Variants in BABAM2 observed in about 807,000 individuals in gnomAD.
BABAM2 encodes the protein BRISC and BRCA1 A complex member 2.
A neutral mutation model predicts 54.7 loss-of-function variants in BABAM2; 31 were observed. The observed-to-expected ratio is 0.57, with a 90% CI of 0.43 to 0.77. The LOEUF (loss-of-function observed/expected upper bound fraction) is 0.77. BABAM2 is among the 30% of genes least tolerant of loss of function. The pLI is 0.00. For synonymous variants in BABAM2, 167 were observed against 162.9 expected (o/e 1.03, Z -0.19); for missense variants, 364 against 455.8 (o/e 0.80, Z 1.83).
At chr2:28,203,143 T>C (rs922901379) in intron 7 of BABAM2, among the ~76,000 whole-genome samples, 10 of 152,260 alleles carry the variant, frequency 6.6e-5, no homozygotes, top group African/African-American at 2.4e-4. Flanking sequence ...TCACTTAATT[T>C]ACTTCTTTTA....
intron 6 of BABAM2, among the ~76,000 whole-genome samples, chr2:28,055,614 G>C (rs1481589935): frequency 6.6e-6 from 1 of 152,138 alleles, no homozygotes; most frequent in Non-Finnish European, 1.5e-5. Flanking sequence ...GTCACAGGTA[G>C]TTTCTTGGAA....
At chr2:28,112,151 C>CTTTCTTTCTTTTTCTTTCTTTCTT (rs1261759583) in intron 6 of BABAM2, among the ~76,000 whole-genome samples, 5 of 19,614 alleles carry the variant, frequency 2.5e-4, no homozygotes, top group African/African-American at 1.1e-3. Context: ...CTTTCTTTAC[C>CTTTCTTTCTTTTTCTTTCTTTCTT]TCCCTCCCTC....
intron 7 of BABAM2, among the ~76,000 whole-genome samples, chr2:28,169,716 C>G (rs1674107072): frequency 6.7e-6 from 1 of 150,374 alleles, no homozygotes; most frequent in African/African-American, 2.5e-5. Flanking sequence ...GTCAAGGCTG[C>G]TATGAGCTGT....
intron 7 of BABAM2, among the ~76,000 whole-genome samples, chr2:28,137,554 A>T (rs1021037975): frequency 3.9e-5 from 6 of 152,220 alleles, no homozygotes; most frequent in African/African-American, 1.4e-4. Context: ...TCAAGAGCTC[A>T]GCCTTTGCTT....
chr2:28,092,477 G>A (rs1666234183), intron 6 of BABAM2, among the ~76,000 whole-genome samples: 1 of 152,058 alleles, frequency 6.6e-6, no homozygotes, highest in Non-Finnish European at 1.5e-5. Flanking sequence ...ATTTAAAATA[G>A]CATCAAAAAG....
At chr2:27,985,057 A>ATGTG (rs35552031) in intron 3 of BABAM2, among the ~76,000 whole-genome samples, 46,723 of 137,246 alleles carry the variant, frequency 0.34, 8,100 homozygotes, top group East Asian at 0.43. Flanking sequence ...GTATTCCATG[A>ATGTG]TGTGTGTGTG....
chr2:27,939,106 C>T (rs1375121924), intron 3 of BABAM2, among the ~76,000 whole-genome samples: 1 of 152,116 alleles, frequency 6.6e-6, no homozygotes, highest in Non-Finnish European at 1.5e-5. Flanking sequence ...GCACTGGCCA[C>T]CATGCCCAGC....
At chr2:28,170,963 G>A (rs1221481720) in intron 7 of BABAM2, among the ~76,000 whole-genome samples, 1 of 152,132 alleles carries the variant, frequency 6.6e-6, no homozygotes. Flanking sequence ...CCTCCAACCC[G>A]AGTCCCCTCG....
chr2:28,187,826 G>A (rs917062751), intron 7 of BABAM2, among the ~76,000 whole-genome samples: 9 of 151,680 alleles, frequency 5.9e-5, no homozygotes, highest in African/African-American at 1.2e-4. Context: ...ACACCACCAC[G>A]CCCGGTTTAT....
rs191299900 is a variant in BABAM2 at position 28,019,714 on chromosome 2, C to T, written c.301-5512C>T. Among the ~76,000 whole-genome samples, 179 of 152,214 alleles carry T rather than the reference C, an allele frequency of 1.2e-3. 2 individuals carry two copies. The East Asian group carries it at 0.026, about 22-fold the overall frequency. On this transcript the variant is annotated intron_variant, in intron 4 of 11. Transcript: ENST00000379624. ...TCCAGTTTCATTCTTCTACAGGTGG[C>T]TTGCCAGTTATTTCAGCACCATTTG...
At chr2:27,962,009 C>T (rs1205929882) in intron 3 of BABAM2, among the ~76,000 whole-genome samples, 3 of 152,196 alleles carry the variant, frequency 2.0e-5, no homozygotes, top group Admixed American at 6.5e-5. Flanking sequence ...AGATTACAGG[C>T]GTGTGCTACC....
At chr2:28,145,313 A>C (rs1241796349) in intron 7 of BABAM2, among the ~76,000 whole-genome samples, 1 of 151,876 alleles carries the variant, frequency 6.6e-6, no homozygotes, top group African/African-American at 2.4e-5. Context: ...AGACCCTTAC[A>C]TTTTTCAGCT....
At chr2:28,241,093 C>T (rs939842825) in intron 8 of BABAM2, among the ~76,000 whole-genome samples, 2 of 151,990 alleles carry the variant, frequency 1.3e-5, no homozygotes, top group Non-Finnish European at 2.9e-5. Flanking sequence ...TAAGAGTGAA[C>T]TGTCATGATG....
rs528032154 is a variant in BABAM2 at position 27,900,839 on chromosome 2, C to T, written c.128+6155C>T. ...CGGGCATATCACAAGGTCAGGAGAT[C>T]GAGGTCATCCTGGCTAACACGGTGA... On this transcript the variant is annotated intron_variant, in intron 2 of 11. Coordinates refer to ENST00000379624, the MANE Select transcript of BABAM2 (RefSeq NM_199191.3). 3.3e-5 allele frequency among the ~76,000 whole-genome samples: 5 copies of T among 152,092 alleles called. 1 individual carries two copies. The South Asian group carries it at 1.0e-3, about 32-fold the overall frequency.
intron 8 of BABAM2, among the ~76,000 whole-genome samples, chr2:28,240,311 A>G (rs767577307): frequency 6.6e-6 from 1 of 151,726 alleles, no homozygotes; most frequent in African/African-American, 2.4e-5. Flanking sequence ...TTTTGTAGAG[A>G]TGAGGTCTGG....
intron 6 of BABAM2, among the ~76,000 whole-genome samples, chr2:28,057,443 A>G (rs939341375): frequency 9.9e-5 from 15 of 152,180 alleles, no homozygotes; most frequent in Non-Finnish European, 7.3e-5. Context: ...TTGGAACCAT[A>G]TAGCACAGTG....
intron 1 of BABAM2, among the ~76,000 whole-genome samples, chr2:27,893,179 C>T (rs1262233851): frequency 1.3e-5 from 2 of 152,098 alleles, no homozygotes; most frequent in East Asian, 1.9e-4. Flanking sequence ...AGGAAGGAAA[C>T]GATCATTTGA....
chr2:28,337,500 CTGAGGTAGAACG>C (rs1691576556), intron 11 of BABAM2, among the ~76,000 whole-genome samples: 1 of 152,052 alleles, frequency 6.6e-6, no homozygotes, highest in African/African-American at 2.4e-5. Context: ...GGGTGCACAT[CTGAGGTAGAACG>C]TGGCCCTGCT....
chr2:27,946,677 A>G (rs1669318652), intron 3 of BABAM2, among the ~76,000 whole-genome samples: 1 of 151,964 alleles, frequency 6.6e-6, no homozygotes, highest in Non-Finnish European at 1.5e-5. Context: ...AGGAGAGAAG[A>G]GAGAGGAGAG....
Sources: allele counts gnomAD v4.1 joint callset (sites outside exome capture counted in the v4.1 genomes callset), GRCh38; gene constraint gnomAD v4.1.1; transcripts MANE v1.5; gene names NCBI Gene and HGNC (gene_info 2026-07-23, HGNC 2026-07-21).